Variants in RIT2 observed in about 807,000 individuals in gnomAD.
The protein encoded by RIT2 is Ras like without CAAX 2.
In RIT2, 24 loss-of-function variants were observed where a neutral mutation model predicts 23.7. That is an observed-to-expected ratio of 1.01 (90% CI 0.73 to 1.43). The LOEUF is 1.43. Among genes scored for constraint, RIT2 ranks in the 40% most tolerant of loss-of-function variants. RIT2 has a pLI of 0.00. For missense variants in RIT2, 236 were observed against 266.9 expected (o/e 0.88, Z 0.81); for synonymous variants, 107 against 91.1 (o/e 1.17, Z -0.99).
At chr18:42,837,474 T>TA (rs1555641179) in intron 4 of RIT2, among the ~76,000 whole-genome samples, 9,114 of 149,344 alleles carry the variant, frequency 0.061, 323 homozygotes, top group Middle Eastern at 0.081. Flanking sequence ...GCCTCTTTTT[T>TA]AAAAAAAAAA....
chr18:43,077,841 A>G (rs945817307), intron 1 of RIT2, among the ~76,000 whole-genome samples: 1 of 152,226 alleles, frequency 6.6e-6, no homozygotes, highest in African/African-American at 2.4e-5. Flanking sequence ...AGCAGGTAGT[A>G]TGTAGCATTT....
At chr18:42,800,027 T>TC (rs1202588791) in intron 4 of RIT2, among the ~76,000 whole-genome samples, 1 of 152,226 alleles carries the variant, frequency 6.6e-6, no homozygotes, top group Admixed American at 6.5e-5. Context: ...TACAGAATGT[T>TC]CCTGTCTTAG....
At chr18:42,747,755 T>A (rs890032543) in intron 4 of RIT2, among the ~76,000 whole-genome samples, 1 of 152,026 alleles carries the variant, frequency 6.6e-6, no homozygotes, top group Non-Finnish European at 1.5e-5. Context: ...CCAAGAGATC[T>A]TTGACAAAGC....
At chr18:42,854,556 A>G (rs1907135531) in intron 4 of RIT2, among the ~76,000 whole-genome samples, 1 of 152,158 alleles carries the variant, frequency 6.6e-6, no homozygotes, top group Admixed American at 6.5e-5. Context: ...GGGTCTTAAG[A>G]GTAACTGTGA....
At chr18:42,903,630 G>A (rs745526178) in intron 4 of RIT2, among the ~76,000 whole-genome samples, 3 of 151,960 alleles carry the variant, frequency 2.0e-5, no homozygotes, top group Non-Finnish European at 4.4e-5. Context: ...ATCCATGACT[G>A]CTACCACTAC....
At chr18:43,055,280 G>A (rs769031739) in intron 1 of RIT2, among the ~76,000 whole-genome samples, 5 of 152,038 alleles carry the variant, frequency 3.3e-5, no homozygotes, top group Non-Finnish European at 7.4e-5. Context: ...TTCTCTCAGC[G>A]CTCCCCATGG....
rs1268853107 is a variant in RIT2 at position 42,828,078 on chromosome 18, G to A, written c.427-84358C>T. The stretch of plus-strand genomic sequence containing the variant: ...TGAAATGCCATTTTATTCTCTATCA[G>A]ATTGGAAAACAAAAGGAAGAAGTTT... On this transcript the variant is annotated intron_variant, in intron 4 of 4. Coordinates refer to ENST00000326695, the MANE Select transcript of RIT2 (RefSeq NM_002930.4). Among the ~76,000 whole-genome samples, 2 of 146,504 alleles carry A rather than the reference G, an allele frequency of 1.4e-5. 1 individual carries two copies. Among genetic ancestry groups the A allele is most frequent in the Admixed American group, 1.4e-4 (2 of 14,686 alleles).
intron 3 of RIT2, among the ~76,000 whole-genome samples, chr18:42,925,373 T>A (rs1909154882): frequency 2.0e-5 from 3 of 151,988 alleles, no homozygotes; most frequent in Admixed American, 1.3e-4. Context: ...TGATAACATG[T>A]TTCTCAAACT....
chr18:43,041,685 T>G (rs1324175377), intron 1 of RIT2, among the ~76,000 whole-genome samples: 1 of 152,142 alleles, frequency 6.6e-6, no homozygotes, highest in Non-Finnish European at 1.5e-5. Context: ...TGCACATATT[T>G]TTATTTAAAT....
At chr18:43,084,035 C>A (rs1282307687) in intron 1 of RIT2, among the ~76,000 whole-genome samples, 1 of 151,870 alleles carries the variant, frequency 6.6e-6, no homozygotes, top group African/African-American at 2.4e-5. Context: ...AATAAATTTC[C>A]AAAAAATGCC....
intron 4 of RIT2, among the ~76,000 whole-genome samples, chr18:42,815,494 A>C (rs957759234): frequency 1.3e-5 from 2 of 152,316 alleles, no homozygotes; most frequent in Admixed American, 6.5e-5. Flanking sequence ...AAACTTAAGA[A>C]TTATCACTGT....
intron 1 of RIT2, among the ~76,000 whole-genome samples, chr18:43,088,601 C>T (rs1025290145): frequency 6.6e-6 from 1 of 152,128 alleles, no homozygotes; most frequent in Non-Finnish European, 1.5e-5. Flanking sequence ...TTATTAACAG[C>T]AAAATTCAAA....
chr18:43,015,902 A>G (rs1049294151), intron 2 of RIT2, among the ~76,000 whole-genome samples: 13 of 151,558 alleles, frequency 8.6e-5, no homozygotes, highest in African/African-American at 3.1e-4. Flanking sequence ...TAAAAACACC[A>G]CTCACGTGCT....
At chr18:42,842,169 T>G (rs1332838007) in intron 4 of RIT2, among the ~76,000 whole-genome samples, 2 of 152,196 alleles carry the variant, frequency 1.3e-5, no homozygotes, top group Non-Finnish European at 2.9e-5. Context: ...TCACCTTCTG[T>G]GTTGATGCAG....
At chr18:42,851,336 T>G (rs772822721) in intron 4 of RIT2, among the ~76,000 whole-genome samples, 7 of 152,192 alleles carry the variant, frequency 4.6e-5, no homozygotes, top group Non-Finnish European at 7.3e-5. Context: ...ATAATTTAAT[T>G]TTGCTGATTG....
At chr18:42,935,425 C>T (rs944204495) in intron 3 of RIT2, among the ~76,000 whole-genome samples, 1 of 152,128 alleles carries the variant, frequency 6.6e-6, no homozygotes, top group East Asian at 1.9e-4. Context: ...CTTCTGCCTG[C>T]AAGTCTTTCA....
At chr18:42,833,360 C>T (rs866500162) in intron 4 of RIT2, among the ~76,000 whole-genome samples, 4 of 152,056 alleles carry the variant, frequency 2.6e-5, no homozygotes, top group African/African-American at 4.8e-5. Context: ...TGTATATATA[C>T]TACATTTTCT....
At chr18:42,782,365 C>A (rs1324086367) in intron 4 of RIT2, among the ~76,000 whole-genome samples, 2 of 152,016 alleles carry the variant, frequency 1.3e-5, no homozygotes, top group African/African-American at 4.8e-5. Flanking sequence ...CACCATATAA[C>A]AGGCAGCAGG....
intron 4 of RIT2, among the ~76,000 whole-genome samples, chr18:42,835,338 C>T (rs534119317): frequency 1.3e-5 from 2 of 152,042 alleles, no homozygotes; most frequent in African/African-American, 4.8e-5. Context: ...ACACACACAA[C>T]TTATAACATC....
Sources: allele counts gnomAD v4.1 joint callset (sites outside exome capture counted in the v4.1 genomes callset), GRCh38; gene constraint gnomAD v4.1.1; transcripts MANE v1.5; gene names NCBI Gene and HGNC (gene_info 2026-07-23, HGNC 2026-07-21).